The following TBCE variants were observed in gnomAD, a reference collection of about 807,000 sequenced individuals.
TBCE encodes tubulin folding cofactor E, also known as tubulin-specific chaperone E.
In TBCE, 53 loss-of-function variants were observed where a neutral mutation model predicts 77.0. That is an observed-to-expected ratio of 0.69 (90% CI 0.55 to 0.87). TBCE has a LOEUF of 0.87. Ranked by LOEUF, TBCE falls within the 40% of genes least tolerant of loss-of-function variation. The probability of loss-of-function intolerance (pLI) is 0.00; values close to 1 mark genes in which losing one functional copy is unlikely to be tolerated. For synonymous variants in TBCE, 235 were observed against 241.3 expected, an observed-to-expected ratio of 0.97 and a Z score of 0.24; for missense variants, 624 against 622.4, an observed-to-expected ratio of 1.00 and a Z score of -0.03.
In TBCE at chr1:235,387,738, C is replaced by A. The variant is rs192482824; in HGVS notation, c.100+7589C>A. Among the ~76,000 whole-genome samples the A allele has an allele frequency of 7.3e-4, 111 of 152,298 alleles. 1 individual carries two copies. Among genetic ancestry groups the A allele is most frequent in the African/African-American group, 2.6e-3 (108 of 41,560 alleles). On this transcript the variant is annotated intron_variant, in intron 2 of 16. Coordinates refer to ENST00000642610, the MANE Select transcript of TBCE (RefSeq NM_003193.5). ...TTGACTAGCAAAGGGAACTCCCTGA[C>A]CCCTTGCGCTTCCCAAATGAGGGAA...
Position 235,451,460 on chromosome 1 carries a change from A to G in TBCE, c.*2698A>G, listed in dbSNP as rs1682892208. On this transcript the variant is annotated 3_prime_UTR_variant, in exon 17 of 17. Coordinates refer to ENST00000642610, the MANE Select transcript of TBCE (RefSeq NM_003193.5). ...AATAGAGGACTCAGTTTCCAAAGAC[A>G]TGAGATGGTCACAAAAAAAAAAAAA... The G allele has an allele frequency of 7.0e-6, 1 of 142,578 alleles. No homozygotes were observed. Among genetic ancestry groups the G allele is most frequent in the Non-Finnish European group, 1.5e-5 (1 of 65,800 alleles). 8.8% of individuals were successfully genotyped at this position (142,578 alleles called of 1,614,324 possible).
chr1:235,369,832 CAAAAA>C (rs113566222), intron 1 of TBCE, among the ~76,000 whole-genome samples: 1 of 112,116 alleles, frequency 8.9e-6, no homozygotes, highest in East Asian at 3.1e-4. Context: ...AACTCTGTCT[CAAAAA>C]AAAAAAAAAA....
chr1:235,379,886 T>G (rs1355788545), intron 1 of TBCE, 133 bp from the exon 2 acceptor site: 2 of 533,098 alleles, frequency 3.8e-6, no homozygotes, highest in African/African-American at 3.9e-5. Flanking sequence ...AGGTGGGGGT[T>G]GCAGTGAGCC....
In TBCE at chr1:235,427,226, G is replaced by T. The variant is rs754110089; in HGVS notation, c.547G>T (p.Val183Phe). The T allele has an allele frequency of 2.5e-6, 4 of 1,611,138 alleles. No homozygotes were observed. In the African/African-American group the frequency reaches 5.3e-5, roughly 22 times the overall value. The change falls in exon 6 of 17, where the codon GTC (valine) becomes TTC (phenylalanine). Residue 183 changes from valine (V) to phenylalanine (F), a missense_variant. Transcript: ENST00000642610. ...HIADQLRHLE[V>F]LNVSENKLKF... ...TGCTGATCAGCTCAGACACCTGGAAGTCCTTAATGTCAGGTATGAACTCTT... is the reference window on the plus strand; with the variant it reads ...TGCTGATCAGCTCAGACACCTGGAATTCCTTAATGTCAGGTATGAACTCTT...
In TBCE at chr1:235,450,297, A is replaced by G. The variant is rs772602524; in HGVS notation, c.*1535A>G. The G allele has an allele frequency of 2.5e-6, 4 of 1,614,044 alleles. No individual in the cohort carries two copies. Among genetic ancestry groups the G allele is most frequent in the African/African-American group, 2.7e-5 (2 of 75,068 alleles). ...CCACGGAGAATACTGAGGAGAAGAC[A>G]GCATTCCTGTCTCACAGGTCTTCTC... is the stretch of plus-strand genomic sequence containing the variant. On this transcript the variant is annotated 3_prime_UTR_variant, in exon 17 of 17. Coordinates refer to ENST00000642610, the MANE Select transcript of TBCE (RefSeq NM_003193.5).
rs141660377 is a variant in TBCE at position 235,426,339 on chromosome 1, C to T, written c.461-801C>T. On this transcript the variant is annotated intron_variant, in intron 5 of 16. Coordinates refer to ENST00000642610, the MANE Select transcript of TBCE (RefSeq NM_003193.5). ...ACTGTTACAACTGCTTCCAGGCTAC[C>T]GGACACCCTCTCAATTCCTAAGTCA... Among the ~76,000 whole-genome samples, 8 of 152,264 alleles carry T rather than the reference C, an allele frequency of 5.3e-5. No individual in the cohort carries two copies. In the East Asian group the frequency reaches 5.8e-4, roughly 11 times the overall value.
rs1572478078 is a variant in TBCE, at chr1:235,451,887, T to C, written c.*3125T>C. On this transcript the variant is annotated 3_prime_UTR_variant, in exon 17 of 17. Coordinates refer to ENST00000642610, the MANE Select transcript of TBCE (RefSeq NM_003193.5). ...TTCCATTTTGGTCTCTGCAGATTCATTTTTTTTTCTGGTTCAGCAATACTG... is the reference window on the plus strand; with the variant it reads ...TTCCATTTTGGTCTCTGCAGATTCACTTTTTTTTCTGGTTCAGCAATACTG... 1 of 151,784 alleles carries C rather than the reference T, an allele frequency of 6.6e-6. No individual in the cohort carries two copies. The highest frequency in any genetic ancestry group is 1.9e-4 in the East Asian group (1 of 5,174). The allele number at this position is 151,784 out of a possible 1,614,324, so 9.4% of individuals were successfully genotyped here.
intron 2 of TBCE, among the ~76,000 whole-genome samples, chr1:235,382,511 C>G (rs928554582): frequency 1.3e-4 from 20 of 152,190 alleles, no homozygotes; most frequent in Non-Finnish European, 2.9e-4. Context: ...GCCATTCTAA[C>G]TGATGTGAGA....
At chr1:235,437,604 G>C in intron 12 of TBCE, 130 bp downstream of exon 12, 1 of 1,089,224 alleles carries the variant, frequency 9.2e-7, no homozygotes, top group Admixed American at 2.3e-5. Context: ...TGCAGTCCAG[G>C]AGTTTGAGAC....
At chr1:235,446,036 T>C (rs1169915919) in intron 15 of TBCE, among the ~76,000 whole-genome samples, 1 of 152,178 alleles carries the variant, frequency 6.6e-6, no homozygotes, top group Non-Finnish European at 1.5e-5. Flanking sequence ...ACTCGCCGCT[T>C]TCCAGGTGCT....
chr1:235,385,259 G>A (rs1474594480), intron 2 of TBCE, among the ~76,000 whole-genome samples: 7 of 152,196 alleles, frequency 4.6e-5, no homozygotes, highest in Middle Eastern at 3.4e-3. Context: ...TTTTGGAATA[G>A]GTGTGGTGTG....
chr1:235,397,424 C>G (rs1452452511), intron 2 of TBCE, among the ~76,000 whole-genome samples: 1 of 152,140 alleles, frequency 6.6e-6, no homozygotes, highest in Non-Finnish European at 1.5e-5. Flanking sequence ...CCAGGATGGT[C>G]TCGATCTCCT....
At chr1:235,385,401 A>T (rs980101352) in intron 2 of TBCE, among the ~76,000 whole-genome samples, 2 of 151,928 alleles carry the variant, frequency 1.3e-5, no homozygotes, top group African/African-American at 4.8e-5. Flanking sequence ...TGATCTGTCT[A>T]ATGTTGACAG....
At chr1:235,440,084 C>T (rs1681750186) in intron 13 of TBCE, among the ~76,000 whole-genome samples, 1 of 152,178 alleles carries the variant, frequency 6.6e-6, no homozygotes, top group Admixed American at 6.5e-5. Flanking sequence ...CATTCTCCTG[C>T]CTCAGCCTCC....
chr1:235,405,159 C>T (rs567822914), intron 3 of TBCE, among the ~76,000 whole-genome samples: 10 of 151,762 alleles, frequency 6.6e-5, no homozygotes, highest in South Asian at 2.1e-4. Context: ...GACGGGGTTT[C>T]GCCATGTTGG....
intron 3 of TBCE, among the ~76,000 whole-genome samples, chr1:235,403,946 A>G (rs1185570792): frequency 6.6e-6 from 1 of 152,158 alleles, no homozygotes; most frequent in Non-Finnish European, 1.5e-5. Context: ...TTGTAACACA[A>G]TGGTAAGTAT....
At chr1:235,446,059 T>G (rs1236040296) in intron 15 of TBCE, among the ~76,000 whole-genome samples, 1 of 152,188 alleles carries the variant, frequency 6.6e-6, no homozygotes, top group Non-Finnish European at 1.5e-5. Flanking sequence ...GTACCACATG[T>G]GGCTGCCATA....
At position 235,384,905 on chromosome 1, in the gene TBCE, G is replaced by A. The variant is rs1473626961; in HGVS notation, c.100+4756G>A. ...CTTTTCTAGTTCTTTTAATTGTGAT[G>A]TTAGGGTGTCAATTTTGGATCTTTC... On this transcript the variant is annotated intron_variant, in intron 2 of 16. Coordinates refer to ENST00000642610, the MANE Select transcript of TBCE (RefSeq NM_003193.5). 1.6e-3 allele frequency among the ~76,000 whole-genome samples: 243 copies of A among 151,242 alleles called. 5 individuals are homozygous for A. Among genetic ancestry groups the A allele is most frequent in the Non-Finnish European group, 2.5e-4 (17 of 67,606 alleles).
intron 15 of TBCE, among the ~76,000 whole-genome samples, chr1:235,443,343 C>T (rs796304172): frequency 1.3e-5 from 2 of 152,008 alleles, no homozygotes; most frequent in South Asian, 4.2e-4. Context: ...TGGGACTACA[C>T]GTGCGAGCCA....
Sources: gnomAD v4.1 joint callset for allele counts (sites outside exome capture counted in the v4.1 genomes callset) on GRCh38, gnomAD v4.1.1 for gene constraint, MANE v1.5 for transcripts, NCBI Gene and HGNC (gene_info 2026-07-23, HGNC 2026-07-21) for gene names.